SLC44A5: variants seen among roughly 807,000 people sequenced by gnomAD.
SLC44A5 encodes choline transporter-like protein 5.
SLC44A5 carries 57 observed loss-of-function variants against 101.8 expected under a neutral mutation model. The ratio of observed to expected loss-of-function variants is 0.56; its 90% CI spans 0.45 to 0.70. The LOEUF (loss-of-function observed/expected upper bound fraction) is 0.70, where lower values mean the gene tolerates loss of function less well. Among genes scored for constraint, SLC44A5 ranks in the 30% least tolerant of loss-of-function variants. SLC44A5 has a pLI of 0.00. For synonymous variants in SLC44A5, 281 were observed against 290.9 expected (o/e 0.97, Z 0.35); for missense variants, 737 against 853.1 (o/e 0.86, Z 1.70).
intron 4 of SLC44A5, among the ~76,000 whole-genome samples, chr1:75,334,064 C>T (rs553940933): frequency 6.6e-6 from 1 of 152,314 alleles, no homozygotes; most frequent in South Asian, 2.1e-4. Flanking sequence ...GAGCCCTTAA[C>T]AACAGCCCAG....
Position 75,203,740 on chromosome 1 carries a change from G to A in SLC44A5, c.2141C>T (p.Thr714Ile). The stretch of plus-strand genomic sequence containing the variant: ...CAGTTTGCTCTTCTACTGCTTCCTA[G>A]TTTGTGGATTTTCCTCCTGGAAAAT... Reference protein sequence around the residue: ...LKIFQEENPQTRKQ With the variant: ...LKIFQEENPQIRKQ Residue 714 changes from threonine to isoleucine, a missense_variant, in exon 24 of 24, where the codon ACT becomes ATT. Coordinates refer to ENST00000370859, the MANE Select transcript of SLC44A5 (RefSeq NM_001130058.2). 1 of 1,548,738 alleles carries A rather than the reference G, an allele frequency of 6.5e-7. No individual in the cohort carries two copies. Among genetic ancestry groups the A allele is most frequent in the Non-Finnish European group, 8.7e-7 (1 of 1,145,698 alleles).
intron 2 of SLC44A5, among the ~76,000 whole-genome samples, chr1:75,444,726 C>A (rs1352632021): frequency 6.6e-6 from 1 of 151,856 alleles, no homozygotes; most frequent in East Asian, 1.9e-4. Flanking sequence ...AATCAGATCC[C>A]ATGCATAAGG....
the SLC44A5 span, among the ~76,000 whole-genome samples, chr1:75,693,849 T>A: frequency 6.6e-6 from 1 of 151,942 alleles, no homozygotes; most frequent in African/African-American, 2.4e-5. Flanking sequence ...TCTAGTAAGA[T>A]GAAGAATAAG....
chr1:75,509,089 A>G (rs1437528945), intron 2 of SLC44A5, among the ~76,000 whole-genome samples: 1 of 152,246 alleles, frequency 6.6e-6, no homozygotes, highest in Non-Finnish European at 1.5e-5. Flanking sequence ...ATGGGCCTTC[A>G]GAAGCAGTTG....
At chr1:75,296,962 A>G (rs1029469549) in intron 5 of SLC44A5, among the ~76,000 whole-genome samples, 1 of 151,950 alleles carries the variant, frequency 6.6e-6, no homozygotes, top group African/African-American at 2.4e-5. Context: ...GCTTCAGAAA[A>G]CCCAACTGGG....
intron 2 of SLC44A5, among the ~76,000 whole-genome samples, chr1:75,401,271 G>C (rs149985516): frequency 1.9e-3 from 282 of 152,264 alleles, no homozygotes; most frequent in African/African-American, 6.1e-3. Flanking sequence ...AACTCTAACT[G>C]GATATCAAAT....
chr1:75,612,177 G>A (rs1675684394), upstream of SLC44A5, among the ~76,000 whole-genome samples: 2 of 152,116 alleles, frequency 1.3e-5, no homozygotes, highest in South Asian at 2.1e-4. Context: ...TTAGAAAAGT[G>A]AAGTCTATTA....
chr1:75,692,357 C>T, the SLC44A5 span, among the ~76,000 whole-genome samples: 2 of 151,984 alleles, frequency 1.3e-5, no homozygotes, highest in East Asian at 1.9e-4. Context: ...ACATGCCCAG[C>T]TAATTTTTTT....
At chr1:75,573,041 T>G (rs893152891) in intron 1 of SLC44A5, among the ~76,000 whole-genome samples, 3 of 139,632 alleles carry the variant, frequency 2.1e-5, no homozygotes, top group African/African-American at 8.2e-5. Context: ...GGGAATTGCT[T>G]AAACCCGGGA....
At chr1:75,322,590 T>C (rs1557661592) in intron 4 of SLC44A5, among the ~76,000 whole-genome samples, 2 of 152,102 alleles carry the variant, frequency 1.3e-5, no homozygotes, top group Non-Finnish European at 2.9e-5. Context: ...ACATTAGACA[T>C]TTGACATAAT....
At chr1:75,206,574 A>T in intron 23 of SLC44A5, 1 of 1,329,534 alleles carries the variant, frequency 7.5e-7, no homozygotes, top group Non-Finnish European at 1.1e-6. Flanking sequence ...CACAACTTCT[A>T]CTTAAAAATG....
intron 1 of SLC44A5, among the ~76,000 whole-genome samples, chr1:75,579,058 G>C (rs750280354): frequency 5.9e-5 from 9 of 152,128 alleles, no homozygotes; most frequent in Non-Finnish European, 1.3e-4. Flanking sequence ...GTATCTTTGA[G>C]TTCTAAATGC....
chr1:75,677,239 G>A, the SLC44A5 span, among the ~76,000 whole-genome samples: 1 of 152,126 alleles, frequency 6.6e-6, no homozygotes, highest in Non-Finnish European at 1.5e-5. Context: ...TAAACTACTT[G>A]AGTAGAAGGG....
At chr1:75,476,973 C>A (rs1266740806) in intron 2 of SLC44A5, among the ~76,000 whole-genome samples, 1 of 152,238 alleles carries the variant, frequency 6.6e-6, no homozygotes, top group African/African-American at 2.4e-5. Flanking sequence ...TGACCCCTGA[C>A]CCCTGAGCAG....
intron 3 of SLC44A5, among the ~76,000 whole-genome samples, chr1:75,383,168 T>C (rs1314561409): frequency 1.3e-5 from 1 of 79,356 alleles, no homozygotes; most frequent in Non-Finnish European, 2.5e-5. Flanking sequence ...CTTAATCCTT[T>C]ACATTGTCTA....
the SLC44A5 span, among the ~76,000 whole-genome samples, chr1:75,711,962 T>A: frequency 6.6e-6 from 1 of 152,230 alleles, no homozygotes; most frequent in Non-Finnish European, 1.5e-5. Context: ...CCAGGTATAG[T>A]CCTCTCACTC....
intron 5 of SLC44A5, among the ~76,000 whole-genome samples, chr1:75,290,151 A>G (rs1422285379): frequency 6.6e-6 from 1 of 152,172 alleles, no homozygotes; most frequent in Non-Finnish European, 1.5e-5. Context: ...GTACGCAACA[A>G]ATTTATCAGC....
chr1:75,621,236 A>G, the SLC44A5 span, among the ~76,000 whole-genome samples: 1 of 152,180 alleles, frequency 6.6e-6, no homozygotes, highest in Non-Finnish European at 1.5e-5. Flanking sequence ...TTTCCCTTAA[A>G]GGATAGTTCT....
chr1:75,502,400 G>T (rs1410209542), intron 2 of SLC44A5, among the ~76,000 whole-genome samples: 1 of 152,204 alleles, frequency 6.6e-6, no homozygotes, highest in African/African-American at 2.4e-5. Context: ...TTTTTAGCCA[G>T]CAGCGTTTTA....
Sources: allele counts gnomAD v4.1 joint callset (sites outside exome capture counted in the v4.1 genomes callset), GRCh38; gene constraint gnomAD v4.1.1; transcripts MANE v1.5; gene names NCBI Gene and HGNC (gene_info 2026-07-23, HGNC 2026-07-21).